Variants in OR10K2 observed in about 807,000 individuals in gnomAD.
The protein encoded by OR10K2 is olfactory receptor family 10 subfamily K member 2.
For synonymous variants in OR10K2, 169 were observed against 146.4 expected (o/e 1.15, Z -1.11); for missense variants, 401 against 367.1 (o/e 1.09, Z -0.76).
At chr1:158,423,602 T>C (rs1460427160) in intron 1 of OR10K2, among the ~76,000 whole-genome samples, 1 of 151,994 alleles carries the variant, frequency 6.6e-6, no homozygotes, top group Non-Finnish European at 1.5e-5. Context: ...AGTACTTCTG[T>C]TTTATTACTT....
chr1:158,422,499 C>T (rs771015782), intron 1 of OR10K2, among the ~76,000 whole-genome samples: 4 of 152,070 alleles, frequency 2.6e-5, no homozygotes, highest in Non-Finnish European at 4.4e-5. Flanking sequence ...CATCAGAATT[C>T]TGTGTACCTA....
chr1:158,425,438 T>C (rs1295967565), intron 1 of OR10K2, among the ~76,000 whole-genome samples: 1 of 152,118 alleles, frequency 6.6e-6, no homozygotes, highest in Non-Finnish European at 1.5e-5. Context: ...TCATCCATAA[T>C]TACTTTCTCT....
chr1:158,422,158 G>A (rs987516664), intron 1 of OR10K2, among the ~76,000 whole-genome samples: 1 of 151,970 alleles, frequency 6.6e-6, no homozygotes, highest in Non-Finnish European at 1.5e-5. Context: ...GTACCTTTGA[G>A]GAAAATATGT....
intron 1 of OR10K2, among the ~76,000 whole-genome samples, chr1:158,425,299 G>T (rs1421880773): frequency 6.6e-6 from 1 of 152,088 alleles, no homozygotes; most frequent in Non-Finnish European, 1.5e-5. Flanking sequence ...TTGAGCTTCA[G>T]AGAGTGCTAT....
In OR10K2 at chr1:158,418,698, A is replaced by G. The variant is rs1655085189; in HGVS notation, c.*1230T>C. ...AAAAACTTAGAAACAAAATTAATCA[A>G]TCAGGAGACTTTTATTGACAGGTGG... On this transcript the variant is annotated 3_prime_UTR_variant, in exon 2 of 2. Coordinates refer to ENST00000641042, the MANE Select transcript of OR10K2 (RefSeq NM_001004476.2). 2.0e-5 allele frequency: 3 copies of G among 152,162 alleles called. No homozygotes were observed. The highest frequency in any genetic ancestry group is 2.4e-5 in the African/African-American group (1 of 41,464). 9.4% of individuals were successfully genotyped at this position (152,162 alleles called of 1,614,324 possible). A position where few individuals can be genotyped will look rare whatever the true frequency, so the allele number is the denominator to read the frequency against.
chr1:158,420,284 TA>T lies in OR10K2; in HGVS notation c.582del (p.Phe194LeufsTer20). 2 of 1,613,798 alleles carry T rather than the reference TA, an allele frequency of 1.2e-6. No homozygotes were observed. The highest frequency in any genetic ancestry group is 1.7e-6 in the Non-Finnish European group (2 of 1,179,898). ...CAGAGCATGAAGATGACAATCTGAC[TA>T]AAGTGGTTATGGTGAGATGCCAGCT... ...VLKLASHHNH[F>X]SQIVIFMLCT... On this transcript the variant is annotated frameshift_variant, in exon 2 of 2. Coordinates refer to ENST00000641042, the MANE Select transcript of OR10K2 (RefSeq NM_001004476.2). LOFTEE classifies it low-confidence loss of function (END_TRUNC).
In OR10K2 at chr1:158,419,611, A is replaced by ATTT. The variant is rs35350080; in HGVS notation, c.*314_*316dup. On this transcript the variant is annotated 3_prime_UTR_variant, in exon 2 of 2. Coordinates refer to ENST00000641042, the MANE Select transcript of OR10K2 (RefSeq NM_001004476.2). The stretch of plus-strand genomic sequence containing the variant: ...ACGGTTTGGAAAGAGCAGAATCAAG[A>ATTT]TTTTTTTTTTTTTTTTTTTTTGAGA... 452 of 124,452 alleles carry ATTT rather than the reference A, an allele frequency of 3.6e-3. 10 individuals carry two copies. The highest frequency in any genetic ancestry group is 0.011 in the African/African-American group (327 of 31,072). The allele number at this position is 124,452 out of a possible 1,614,324, so 7.7% of individuals were successfully genotyped here.
Position 158,419,992 on chromosome 1 carries a change from A to G in OR10K2, c.875T>C (p.Leu292Ser). The G allele has an allele frequency of 6.2e-7, 1 of 1,613,068 alleles. No individual in the cohort carries two copies. The highest frequency in any genetic ancestry group is 2.2e-5 in the East Asian group (1 of 44,830). ...AGCTGATTTGAACTCTTTATTTCTC[A>G]AGCTATAAATCATTGGGTTGAACAA... ...TPLFNPMIYS[L>S]RNKEFKSALC... The change falls in exon 2 of 2, where the codon TTG becomes TCG. Residue 292 changes from leucine to serine, a missense_variant. Physicochemically the swap from Leu to Ser is moderately radical, Grantham distance 145. Coordinates refer to ENST00000641042, the MANE Select transcript of OR10K2 (RefSeq NM_001004476.2).
At chr1:158,425,790 A>T (rs1655241495) in intron 1 of OR10K2, 143 bp downstream of exon 1, 1 of 152,064 alleles carries the variant, frequency 6.6e-6, no homozygotes, top group Non-Finnish European at 1.5e-5. Flanking sequence ...GAATATATAA[A>T]ATTTATATGC....
intron 1 of OR10K2, among the ~76,000 whole-genome samples, chr1:158,421,344 C>G (rs1655153667): frequency 6.6e-6 from 1 of 152,090 alleles, no homozygotes; most frequent in Non-Finnish European, 1.5e-5. Flanking sequence ...CACCTAAACC[C>G]CCACTCTTAG....
chr1:158,422,375 G>A (rs1266532602), intron 1 of OR10K2, among the ~76,000 whole-genome samples: 2 of 152,100 alleles, frequency 1.3e-5, no homozygotes, highest in African/African-American at 2.4e-5. Flanking sequence ...GAATTGCTCA[G>A]TGTCAAGAAT....
In OR10K2 at chr1:158,420,423, G is replaced by C. The variant is rs771211730; in HGVS notation, c.444C>G (p.Ala148=). The change falls in exon 2 of 2, where the codon GCC becomes GCG. Residue 148 remains alanine (A), a synonymous_variant. Coordinates refer to ENST00000641042, the MANE Select transcript of OR10K2 (RefSeq NM_001004476.2). ...GTGCAACAGTGAAGCCACAGGCACA[G>C]GCAGCAGCCACTAGTCCCATACACA... ...HGVCMGLVAA[A]CACGFTVAQI... is the part of the protein sequence containing the mutation. 16 of 1,613,790 alleles carry C rather than the reference G, an allele frequency of 9.9e-6. No homozygotes were observed. The highest frequency in any genetic ancestry group is 1.3e-5 in the African/African-American group (1 of 74,918).
chr1:158,425,589 C>T (rs903225735), intron 1 of OR10K2, among the ~76,000 whole-genome samples: 1 of 151,926 alleles, frequency 6.6e-6, no homozygotes, highest in African/African-American at 2.4e-5. Flanking sequence ...ATTTTCAGAG[C>T]ATTTATTAAG....
chr1:158,422,967 T>G (rs943893838), intron 1 of OR10K2, among the ~76,000 whole-genome samples: 1 of 152,070 alleles, frequency 6.6e-6, no homozygotes, highest in African/African-American at 2.4e-5. Context: ...TTTCTAGGTT[T>G]CTTTATATAT....
rs75454751 is a variant in OR10K2 at position 158,422,139 on chromosome 1, C to T, written c.-61-1212G>A. 4.8e-3 allele frequency among the ~76,000 whole-genome samples: 723 copies of T among 152,126 alleles called. 1 individual carries two copies. Among genetic ancestry groups the T allele is most frequent in the Non-Finnish European group, 8.3e-3 (562 of 67,974 alleles). On this transcript the variant is annotated intron_variant, in intron 1 of 1. Coordinates refer to ENST00000641042, the MANE Select transcript of OR10K2 (RefSeq NM_001004476.2). ...ATTGTTCTTATATCTATTTTCTCTA[C>T]CAGATTTTGTACCTTTGAGGAAAAT...
At position 158,420,166 on chromosome 1, in the gene OR10K2, C is replaced by T. The variant is rs762104935; in HGVS notation, c.701G>A (p.Arg234Lys). Residue 234 changes from arginine to lysine, a missense_variant, in exon 2 of 2, where the codon AGG (arginine) becomes AAG (lysine). Coordinates refer to ENST00000641042, the MANE Select transcript of OR10K2 (RefSeq NM_001004476.2). The part of the protein sequence containing the change: ...AILQFPSTLG[R>K]CKAFSTCVSH... ...TACACAGGTAGAAAAAGCTTTGCAC[C>T]TACCCAGTGTGGAAGGAAACTGAAG... 12 of 1,613,644 alleles carry T rather than the reference C, an allele frequency of 7.4e-6. No individual in the cohort carries two copies. The highest frequency in any genetic ancestry group is 1.7e-4 in the Middle Eastern group (1 of 6,056).
intron 1 of OR10K2, among the ~76,000 whole-genome samples, chr1:158,421,354 G>A (rs1655153816): frequency 6.6e-6 from 1 of 151,956 alleles, no homozygotes; most frequent in Admixed American, 6.6e-5. Context: ...CCCACTCTTA[G>A]TTTTAGTCTC....
In OR10K2 at chr1:158,419,012, G is replaced by T. The variant is rs1655090799; in HGVS notation, c.*916C>A. 1 of 151,728 alleles carries T rather than the reference G, an allele frequency of 6.6e-6. No individual in the cohort carries two copies. The highest frequency in any genetic ancestry group is 2.4e-5 in the African/African-American group (1 of 41,278). 9.4% of individuals were successfully genotyped at this position (151,728 alleles called of 1,614,324 possible). On this transcript the variant is annotated 3_prime_UTR_variant, in exon 2 of 2. Transcript: ENST00000641042. ...TCCATTCCCCTGTGAATATCTTCAG[G>T]GTATGCTGACCAAATTTAGATGTAT...
chr1:158,423,226 T>A, intron 1 of OR10K2, among the ~76,000 whole-genome samples: 1 of 112,090 alleles, frequency 8.9e-6, no homozygotes, highest in Non-Finnish European at 1.9e-5. Flanking sequence ...CTTCGCCCAA[T>A]ATTTTTTTTT....
Sources: allele counts gnomAD v4.1 joint callset (sites outside exome capture counted in the v4.1 genomes callset), GRCh38; gene constraint gnomAD v4.1.1; transcripts MANE v1.5; gene names NCBI Gene and HGNC (gene_info 2026-07-23, HGNC 2026-07-21).